ACOXL: variants seen among roughly 807,000 people sequenced by gnomAD.
The protein encoded by ACOXL is acyl-coenzyme A oxidase-like protein.
ACOXL carries 70 observed loss-of-function variants against 71.9 expected under a neutral mutation model. The observed-to-expected ratio is 0.97, with a 90% CI of 0.80 to 1.19. The LOEUF is 1.19. Among genes scored for constraint, ACOXL ranks in the 50% most tolerant of loss-of-function variants. ACOXL has a pLI of 0.00. For missense variants in ACOXL, 703 were observed against 736.3 expected, an observed-to-expected ratio of 0.95 and a Z score of 0.52; for synonymous variants, 253 against 281.6, an observed-to-expected ratio of 0.90 and a Z score of 1.02.
intron 8 of ACOXL, among the ~76,000 whole-genome samples, chr2:110,802,157 A>C (rs1686084061): frequency 6.6e-6 from 1 of 152,244 alleles, no homozygotes; most frequent in Admixed American, 6.5e-5. Context: ...ACTGTTAAAT[A>C]AATGGTTTAT....
intron 10 of ACOXL, among the ~76,000 whole-genome samples, chr2:110,902,481 A>G (rs1457924408): frequency 1.3e-5 from 2 of 152,208 alleles, no homozygotes; most frequent in East Asian, 1.9e-4. Flanking sequence ...AAAGCAAACA[A>G]ACAAAAAAGG....
At chr2:111,009,897 G>A (rs2064064832) in intron 14 of ACOXL, among the ~76,000 whole-genome samples, 1 of 152,136 alleles carries the variant, frequency 6.6e-6, no homozygotes, top group African/African-American at 2.4e-5. Context: ...AGAGGCTAAA[G>A]GCAAGCCAAA....
chr2:110,837,202 C>T (rs1303523668), intron 9 of ACOXL, among the ~76,000 whole-genome samples: 2 of 152,068 alleles, frequency 1.3e-5, no homozygotes, highest in African/African-American at 4.8e-5. Flanking sequence ...AGACTGGAGC[C>T]GGTGCTTCCT....
At chr2:111,035,088 A>C (rs749059633) in intron 15 of ACOXL, among the ~76,000 whole-genome samples, 2 of 151,950 alleles carry the variant, frequency 1.3e-5, no homozygotes, top group South Asian at 2.1e-4. Flanking sequence ...GGGTGGTCTC[A>C]ATCTCCTGAC....
intron 1 of ACOXL, among the ~76,000 whole-genome samples, chr2:110,738,684 G>A (rs1180598816): frequency 6.6e-6 from 1 of 152,168 alleles, no homozygotes; most frequent in African/African-American, 2.4e-5. Flanking sequence ...CTTGACATGG[G>A]TTCTTTTAGT....
intron 1 of ACOXL, among the ~76,000 whole-genome samples, chr2:110,764,743 G>T (rs186694312): frequency 4.6e-5 from 7 of 152,134 alleles, no homozygotes; most frequent in Admixed American, 1.3e-4. Context: ...ATACACATGT[G>T]GGGGCAGGAA....
intron 10 of ACOXL, among the ~76,000 whole-genome samples, chr2:110,905,380 T>C (rs753924265): frequency 6.6e-6 from 1 of 152,104 alleles, no homozygotes; most frequent in African/African-American, 2.4e-5. Flanking sequence ...AGGGGCTTAG[T>C]GGGAGAAAAG....
intron 10 of ACOXL, among the ~76,000 whole-genome samples, chr2:110,908,360 C>T (rs899902178): frequency 2.0e-5 from 3 of 152,158 alleles, no homozygotes; most frequent in African/African-American, 7.2e-5. Flanking sequence ...CTGACAGGAG[C>T]ACCAGGGTTA....
At chr2:110,982,806 A>G (rs981917493) in intron 12 of ACOXL, among the ~76,000 whole-genome samples, 7 of 152,218 alleles carry the variant, frequency 4.6e-5, no homozygotes, top group Non-Finnish European at 8.8e-5. Flanking sequence ...GTCCTGTTGG[A>G]ACCCCTAGGG....
intron 12 of ACOXL, among the ~76,000 whole-genome samples, chr2:110,944,645 C>T (rs2061027845): frequency 6.6e-6 from 1 of 152,180 alleles, no homozygotes; most frequent in Admixed American, 6.5e-5. Context: ...TGGCCTCCAG[C>T]TCCATCCTTG....
At chr2:110,734,551 T>G (rs1454795363) in intron 1 of ACOXL, among the ~76,000 whole-genome samples, 2 of 152,078 alleles carry the variant, frequency 1.3e-5, no homozygotes, top group African/African-American at 2.4e-5. Flanking sequence ...GACCTCATAA[T>G]TCTTAACAGT....
At chr2:110,987,042 G>A (rs1427563658) in intron 12 of ACOXL, 66 bp from the exon 13 acceptor site, 19 of 1,243,138 alleles carry the variant, frequency 1.5e-5, no homozygotes, top group Non-Finnish European at 2.1e-5. Flanking sequence ...TTATTGGGTT[G>A]CAGTATTAAA....
chr2:110,750,393 C>T (rs1360529459), intron 1 of ACOXL, among the ~76,000 whole-genome samples: 5 of 151,938 alleles, frequency 3.3e-5, no homozygotes, highest in Non-Finnish European at 7.4e-5. Context: ...GAGTTTCGGG[C>T]TCATCTTATA....
chr2:110,833,494 G>A (rs1690090022), intron 9 of ACOXL, among the ~76,000 whole-genome samples: 1 of 152,180 alleles, frequency 6.6e-6, no homozygotes, highest in East Asian at 1.9e-4. Context: ...GAGATGTCCT[G>A]TGGCTTGACT....
intron 11 of ACOXL, among the ~76,000 whole-genome samples, chr2:110,920,847 T>G (rs1558731456): frequency 1.3e-5 from 2 of 152,184 alleles, no homozygotes; most frequent in African/African-American, 2.4e-5. Context: ...TATTTAGGTC[T>G]TCTTTGAGTT....
At chr2:110,836,462 C>A (rs1326269505) in intron 9 of ACOXL, among the ~76,000 whole-genome samples, 1 of 151,542 alleles carries the variant, frequency 6.6e-6, no homozygotes, top group African/African-American at 2.4e-5. Context: ...GTATTCTGTG[C>A]CTGCCTGGCC....
At chr2:110,736,407 G>A (rs904869403) in intron 1 of ACOXL, among the ~76,000 whole-genome samples, 2 of 151,876 alleles carry the variant, frequency 1.3e-5, no homozygotes, top group African/African-American at 4.8e-5. Flanking sequence ...CCCAGCCCCG[G>A]CAACCCTCAT....
intron 11 of ACOXL, among the ~76,000 whole-genome samples, chr2:110,920,815 G>A (rs750073163): frequency 6.9e-4 from 105 of 152,182 alleles, no homozygotes; most frequent in Non-Finnish European, 1.1e-3. Context: ...TTCAATACAT[G>A]AACACTGTAT....
At chr2:110,785,370 TTGTGTGTGTG>T (rs34917698) in intron 3 of ACOXL, among the ~76,000 whole-genome samples, 138 of 145,668 alleles carry the variant, frequency 9.5e-4, no homozygotes, top group Admixed American at 2.0e-3. Context: ...ATGCACTCAG[TTGTGTGTGTG>T]TGTGTGTGTG....
Sources: gnomAD v4.1 joint callset for allele counts (sites outside exome capture counted in the v4.1 genomes callset) on GRCh38, gnomAD v4.1.1 for gene constraint, MANE v1.5 for transcripts, NCBI Gene and HGNC (gene_info 2026-07-23, HGNC 2026-07-21) for gene names.